The following PPIG variants were observed in gnomAD, a reference collection of about 807,000 sequenced individuals.
PPIG encodes the protein peptidylprolyl isomerase G, also known as peptidyl-prolyl cis-trans isomerase G.
Under a neutral mutation model 87.9 loss-of-function variants are expected in PPIG, and 26 were observed. That is an observed-to-expected ratio of 0.30 (90% CI 0.22 to 0.41). The LOEUF is 0.41. Ranked by LOEUF, PPIG falls within the 10% of genes least tolerant of loss-of-function variation. The probability of loss-of-function intolerance (pLI) is 1.00; values close to 1 mark genes in which losing one functional copy is unlikely to be tolerated. For missense variants in PPIG, 722 were observed against 879.4 expected, an observed-to-expected ratio of 0.82 and a Z score of 2.26; for synonymous variants, 308 against 276.5, an observed-to-expected ratio of 1.11 and a Z score of -1.13.
chr2:169,612,267 C>A lies in PPIG; in HGVS notation c.378-2197C>A, dbSNP rs1394642942. ...GGTAACCTCTATGAATTTGCCTGTT[C>A]CGCATATTTTATTTAAGTGGAATTC... is the stretch of plus-strand genomic sequence containing the variant. On this transcript the variant is annotated intron_variant, in intron 7 of 13. Coordinates refer to ENST00000260970, the MANE Select transcript of PPIG (RefSeq NM_004792.3). Among the ~76,000 whole-genome samples, 4 of 152,166 alleles carry A rather than the reference C, an allele frequency of 2.6e-5. No homozygotes were observed. In the South Asian group the frequency reaches 8.3e-4, roughly 32 times the overall value.
intron 10 of PPIG, among the ~76,000 whole-genome samples, chr2:169,631,226 T>TA (rs1686044157): frequency 6.6e-6 from 1 of 152,188 alleles, no homozygotes. Context: ...GCTTTGGTGT[T>TA]ACAGATTTGT....
intron 1 of PPIG, chr2:169,584,834 C>G (rs973010006): frequency 6.8e-6 from 2 of 293,590 alleles, no homozygotes; most frequent in African/African-American, 2.3e-5. Flanking sequence ...CGACTGCGGC[C>G]TGAACTCTAG....
intron 1 of PPIG, among the ~76,000 whole-genome samples, chr2:169,585,424 G>T (rs1376568311): frequency 6.6e-6 from 1 of 151,982 alleles, no homozygotes; most frequent in East Asian, 1.9e-4. Flanking sequence ...ACCATGCCCG[G>T]CTAATTTTTT....
chr2:169,631,041 A>T, intron 10 of PPIG, 54 bp downstream of exon 10: 2 of 1,444,474 alleles, frequency 1.4e-6, no homozygotes, highest in Non-Finnish European at 1.9e-6. Context: ...CCTTTCTGTA[A>T]ATCTGTTAGG....
At chr2:169,610,640 T>C (rs1466949272) in intron 7 of PPIG, among the ~76,000 whole-genome samples, 2 of 152,118 alleles carry the variant, frequency 1.3e-5, no homozygotes, top group Non-Finnish European at 2.9e-5. Context: ...ATAACCAACC[T>C]AATTTCCAGT....
At position 169,637,224 on chromosome 2, in the gene PPIG, G is replaced by T. The variant is rs759119420; in HGVS notation, c.1966G>T (p.Glu656Ter). 2 of 1,613,250 alleles carry T rather than the reference G, an allele frequency of 1.2e-6. No homozygotes were observed. Among genetic ancestry groups the T allele is most frequent in the East Asian group, 2.2e-5 (1 of 44,864 alleles). Residue 656 changes from glutamate to a stop codon, truncating the protein, a stop_gained, in exon 14 of 14, where the codon GAA (glutamate) becomes TAA (stop). Transcript: ENST00000260970. LOFTEE classifies it high-confidence loss of function. ...AGAGAGTAAGAGCTCACACAGAAAAGAAAATTCTGAGAGTGAGAAAAGAAT... is the reference window on the plus strand; with the variant it reads ...AGAGAGTAAGAGCTCACACAGAAAATAAAATTCTGAGAGTGAGAAAAGAAT... ...NQESKSSHRK[E>*]NSESEKRMYS...
At chr2:169,629,021 G>T (rs759314623) in intron 9 of PPIG, among the ~76,000 whole-genome samples, 4 of 150,878 alleles carry the variant, frequency 2.7e-5, no homozygotes, top group Admixed American at 2.0e-4. Flanking sequence ...TGAGGCTAAG[G>T]TGGGGCTAAA....
At chr2:169,586,285 T>G (rs1684703421) in intron 1 of PPIG, among the ~76,000 whole-genome samples, 1 of 152,156 alleles carries the variant, frequency 6.6e-6, no homozygotes, top group Admixed American at 6.5e-5. Flanking sequence ...TTGTCAGGAG[T>G]GCTCCTGCTG....
chr2:169,618,276 C>T (rs992417877), intron 9 of PPIG, among the ~76,000 whole-genome samples: 5 of 152,056 alleles, frequency 3.3e-5, no homozygotes, highest in Non-Finnish European at 5.9e-5. Context: ...TGAGGATTTT[C>T]CCATCAATGT....
chr2:169,597,396 G>T (rs1002857299), intron 1 of PPIG, among the ~76,000 whole-genome samples: 1 of 152,054 alleles, frequency 6.6e-6, no homozygotes, highest in African/African-American at 2.4e-5. Flanking sequence ...TCGGCTGAAA[G>T]AGTCCTCCCA....
intron 9 of PPIG, among the ~76,000 whole-genome samples, chr2:169,617,086 C>T (rs1489532202): frequency 1.3e-5 from 2 of 152,074 alleles, no homozygotes; most frequent in African/African-American, 2.4e-5. Flanking sequence ...ATATGGCTAG[C>T]CAGTTTCCTA....
At position 169,631,477 on chromosome 2, in the gene PPIG, T is replaced by C. The variant is rs73971662; in HGVS notation, c.762-289T>C. 3.0e-3 allele frequency: 2,337 copies of C among 787,044 alleles called. 50 individuals are homozygous for C. The African/African-American group carries it at 0.04, about 13-fold the overall frequency. 48.8% of individuals were successfully genotyped at this position (787,044 alleles called of 1,614,324 possible). On this transcript the variant is annotated intron_variant, in intron 10 of 13. Transcript: ENST00000260970. ...TTTCTTTACCCATGTTTTAAAGTATTTTAAATTTATCAGAGTGCATTGCTC... is the reference window on the plus strand; with the variant it reads ...TTTCTTTACCCATGTTTTAAAGTATCTTAAATTTATCAGAGTGCATTGCTC...
At chr2:169,614,818 A>G (rs1685570272) in intron 9 of PPIG, 94 bp downstream of exon 9, 2 of 1,369,654 alleles carry the variant, frequency 1.5e-6, no homozygotes, top group Non-Finnish European at 2.0e-6. Context: ...ACTCAAGCTG[A>G]AAGAAAAATG....
Position 169,640,939 on chromosome 2 carries a change from G to C in PPIG, c.*3416G>C, listed in dbSNP as rs1003118149. 6.6e-6 allele frequency: 1 copy of C among 152,190 alleles called. No homozygotes were observed. Among genetic ancestry groups the C allele is most frequent in the Non-Finnish European group, 1.5e-5 (1 of 68,030 alleles). 9.4% of individuals were successfully genotyped at this position (152,190 alleles called of 1,614,324 possible). A position where few individuals can be genotyped will look rare whatever the true frequency, so the allele number is the denominator to read the frequency against. ...AACAAGGTTGGAGTAGGGAGTTGTT[G>C]AGGGGTTTAGTTTGTTTTAAAAGGT... is the stretch of plus-strand genomic sequence containing the variant. On this transcript the variant is annotated 3_prime_UTR_variant, in exon 14 of 14. Coordinates refer to ENST00000260970, the MANE Select transcript of PPIG (RefSeq NM_004792.3).
chr2:169,602,634 G>A (rs1295112725), intron 1 of PPIG, among the ~76,000 whole-genome samples: 5 of 152,168 alleles, frequency 3.3e-5, no homozygotes, highest in African/African-American at 1.2e-4. Flanking sequence ...GTTTTTGTTT[G>A]TCAAAATGTG....
chr2:169,630,077 A>G (rs1483360372), intron 9 of PPIG, among the ~76,000 whole-genome samples: 1 of 151,760 alleles, frequency 6.6e-6, no homozygotes, highest in East Asian at 1.9e-4. Flanking sequence ...ATCTTCTTCT[A>G]ATTCTTGTTA....
rs182602663 is a variant in PPIG, at chr2:169,603,000, G to A, written c.-69-642G>A. Among the ~76,000 whole-genome samples, 7 of 152,262 alleles carry A rather than the reference G, an allele frequency of 4.6e-5. No individual in the cohort carries two copies. In the East Asian group the frequency reaches 7.7e-4, roughly 17 times the overall value. On this transcript the variant is annotated intron_variant, in intron 1 of 13. Coordinates refer to ENST00000260970, the MANE Select transcript of PPIG (RefSeq NM_004792.3). ...ATGAGGTATGAGGGAAAGTGGAACC[G>A]AAGATGACCCCCAGGTTTTCAGCCT...
rs985708833 is a variant in PPIG, at chr2:169,588,913, C to T, written c.-70+4423C>T. Among the ~76,000 whole-genome samples the T allele has an allele frequency of 4.4e-5, 6 of 135,582 alleles. No homozygotes were observed. The East Asian group carries it at 1.3e-3, about 30-fold the overall frequency. 88.9% of individuals were successfully genotyped at this position (135,582 alleles called of 152,430 possible). A position where few individuals can be genotyped will look rare whatever the true frequency, so the allele number is the denominator to read the frequency against. On this transcript the variant is annotated intron_variant, in intron 1 of 13. Transcript: ENST00000260970. ...GGCGGAGGTTGCAGTGAGCCAAGATCGCACCATTGCACTTCAGCCTGGGCA... is the reference window on the plus strand; with the variant it reads ...GGCGGAGGTTGCAGTGAGCCAAGATTGCACCATTGCACTTCAGCCTGGGCA...
At chr2:169,603,757 A>G (rs1366361982) in intron 2 of PPIG, 63 bp downstream of exon 2, 2 of 372,594 alleles carry the variant, frequency 5.4e-6, no homozygotes, top group Non-Finnish European at 9.7e-6. Context: ...TTGAGCTATT[A>G]ATCTGTATTC....
Sources: allele counts gnomAD v4.1 joint callset (sites outside exome capture counted in the v4.1 genomes callset), GRCh38; gene constraint gnomAD v4.1.1; transcripts MANE v1.5; gene names NCBI Gene and HGNC (gene_info 2026-07-23, HGNC 2026-07-21).